The following LHFPL3 variants were observed in gnomAD, a reference collection of about 807,000 sequenced individuals.
LHFPL3 encodes LHFPL tetraspan subfamily member 3 protein.
LHFPL3 carries 5 observed loss-of-function variants against 19.3 expected under a neutral mutation model. The observed-to-expected ratio is 0.26, with a 90% CI of 0.14 to 0.54. The LOEUF is 0.54. Among genes scored for constraint, LHFPL3 ranks in the 20% least tolerant of loss-of-function variants. The pLI is 0.94. For synonymous variants in LHFPL3, 133 were observed against 126.2 expected, an observed-to-expected ratio of 1.05 and a Z score of -0.36; for missense variants, 249 against 307.4, an observed-to-expected ratio of 0.81 and a Z score of 1.42.
chr7:104,486,789 C>CTTT (rs1438672115), intron 1 of LHFPL3, among the ~76,000 whole-genome samples: 176 of 152,142 alleles, frequency 1.2e-3, no homozygotes, highest in African/African-American at 4.1e-3. Context: ...TCTTCCTTTG[C>CTTT]TTTCTTTAAG....
chr7:104,735,816 G>C (rs1428118029), intron 1 of LHFPL3, among the ~76,000 whole-genome samples: 1 of 152,170 alleles, frequency 6.6e-6, no homozygotes, highest in African/African-American at 2.4e-5. Context: ...CTATAGACTG[G>C]AGCTGTTCCT....
intron 2 of LHFPL3, chr7:104,796,865 GGGTCTCCTGTT>G (rs1790144601): frequency 6.6e-6 from 1 of 152,640 alleles, no homozygotes; most frequent in African/African-American, 2.4e-5. Flanking sequence ...TCCTGAGACT[GGGTCTCCTGTT>G]GGTCAGAAAG....
At chr7:104,737,677 G>A (rs1793854985) in intron 2 of LHFPL3, among the ~76,000 whole-genome samples, 1 of 152,028 alleles carries the variant, frequency 6.6e-6, no homozygotes, top group Non-Finnish European at 1.5e-5. Context: ...TAGAATTTTG[G>A]TGTCTCTGTT....
intron 1 of LHFPL3, among the ~76,000 whole-genome samples, chr7:104,578,960 C>T (rs2116014470): frequency 6.6e-6 from 1 of 152,282 alleles, no homozygotes; most frequent in Middle Eastern, 3.4e-3. Context: ...CTGGAACATC[C>T]TGTCATCTGG....
At chr7:104,628,287 A>G (rs1314244992) in intron 1 of LHFPL3, among the ~76,000 whole-genome samples, 3 of 152,182 alleles carry the variant, frequency 2.0e-5, no homozygotes, top group Non-Finnish European at 4.4e-5. Context: ...ATAGAATGGT[A>G]TTTAATTGCT....
At chr7:104,453,567 A>G (rs1475624619) in intron 1 of LHFPL3, among the ~76,000 whole-genome samples, 1 of 152,178 alleles carries the variant, frequency 6.6e-6, no homozygotes, top group Non-Finnish European at 1.5e-5. Context: ...TAAATCTTCT[A>G]AGAAAAGGGA....
chr7:104,738,905 T>A (rs1793880300), intron 2 of LHFPL3: 1 of 152,178 alleles, frequency 6.6e-6, no homozygotes, highest in African/African-American at 2.4e-5. Context: ...TTTTTCTGTG[T>A]TCATCATCTT....
intron 1 of LHFPL3, among the ~76,000 whole-genome samples, chr7:104,538,973 G>A (rs1272295739): frequency 6.6e-6 from 1 of 152,166 alleles, no homozygotes; most frequent in African/African-American, 2.4e-5. Context: ...TGGCCAGACA[G>A]TTGCAACATT....
chr7:104,489,144 G>A lies in LHFPL3; in HGVS notation c.445+159920G>A, dbSNP rs1197122878. Reference sequence around the variant, plus strand: ...GTCGCCCAGGCTGGAGTGCAGTGGCGGGATCTCGGCTCATTGCAAGCTCCA... The same window carrying A: ...GTCGCCCAGGCTGGAGTGCAGTGGCAGGATCTCGGCTCATTGCAAGCTCCA... On this transcript the variant is annotated intron_variant, in intron 1 of 2. Transcript: ENST00000424859. 1.4e-4 allele frequency among the ~76,000 whole-genome samples: 5 copies of A among 36,046 alleles called. 2 individuals are homozygous for A. The highest frequency in any genetic ancestry group is 3.9e-4 in the Non-Finnish European group (4 of 10,130). 23.6% of individuals were successfully genotyped at this position (36,046 alleles called of 152,430 possible).
At chr7:104,714,868 A>T (rs1275176136) in intron 1 of LHFPL3, among the ~76,000 whole-genome samples, 1 of 152,102 alleles carries the variant, frequency 6.6e-6, no homozygotes, top group Non-Finnish European at 1.5e-5. Flanking sequence ...GTGCAGAGGG[A>T]TGCGTTTGTG....
rs182793678 is a variant in LHFPL3 at position 104,456,660 on chromosome 7, G to A, written c.445+127436G>A. 2.0e-4 allele frequency among the ~76,000 whole-genome samples: 30 copies of A among 152,212 alleles called. No individual in the cohort carries two copies. In the East Asian group the frequency reaches 5.2e-3, roughly 26 times the overall value. ...ACGCACTTCATGGCTTTTCTTTGGC[G>A]TATTTGAATTGCAAGCATCACTACA... On this transcript the variant is annotated intron_variant, in intron 1 of 2. Coordinates refer to ENST00000424859, the MANE Select transcript of LHFPL3 (RefSeq NM_199000.3).
At chr7:104,565,010 T>C (rs112287320) in intron 1 of LHFPL3, among the ~76,000 whole-genome samples, 4 of 152,226 alleles carry the variant, frequency 2.6e-5, no homozygotes, top group Non-Finnish European at 5.9e-5. Context: ...AAGTCAGTGA[T>C]GGAATCTTGT....
Position 104,386,256 on chromosome 7 carries a change from C to A in LHFPL3, c.445+57032C>A, listed in dbSNP as rs76318508. Among the ~76,000 whole-genome samples the A allele has an allele frequency of 7.2e-4, 110 of 152,300 alleles. 1 individual carries two copies. The East Asian group carries it at 0.02, about 28-fold the overall frequency. ...CATTGTCATTATTTGACATATTTCA[C>A]AGTTCCCTAAAAAGCTCCATTCACA... On this transcript the variant is annotated intron_variant, in intron 1 of 2. Transcript: ENST00000424859.
intron 1 of LHFPL3, among the ~76,000 whole-genome samples, chr7:104,343,158 A>G (rs1431080951): frequency 6.6e-6 from 1 of 152,136 alleles, no homozygotes; most frequent in Non-Finnish European, 1.5e-5. Flanking sequence ...TGAGCAGTTC[A>G]TTTGAAATTT....
chr7:104,595,898 G>A lies in LHFPL3; in HGVS notation c.446-140777G>A, dbSNP rs995156531. On this transcript the variant is annotated intron_variant, in intron 1 of 2. Transcript: ENST00000424859. The stretch of plus-strand genomic sequence containing the variant: ...ATGGGAGAGAATCACCTTGTCTGCC[G>A]GTTGCTAAGACCTTGGGAACAACAG... Among the ~76,000 whole-genome samples, 17 of 152,240 alleles carry A rather than the reference G, an allele frequency of 1.1e-4. No individual in the cohort carries two copies. The South Asian group carries it at 1.4e-3, about 13-fold the overall frequency.
intron 2 of LHFPL3, among the ~76,000 whole-genome samples, chr7:104,862,493 G>T (rs1013309517): frequency 6.6e-6 from 1 of 152,152 alleles, no homozygotes; most frequent in Non-Finnish European, 1.5e-5. Flanking sequence ...GCTAGCCCAG[G>T]GATGCTCTGA....
chr7:104,829,030 CAA>C (rs11291805), intron 2 of LHFPL3, among the ~76,000 whole-genome samples: 5 of 150,506 alleles, frequency 3.3e-5, no homozygotes, highest in African/African-American at 4.9e-5. Flanking sequence ...GACTCCATCT[CAA>C]AAAAAAAAGA....
At chr7:104,396,546 T>C (rs566976185) in intron 1 of LHFPL3, among the ~76,000 whole-genome samples, 1 of 151,436 alleles carries the variant, frequency 6.6e-6, no homozygotes, top group Admixed American at 6.6e-5. Context: ...GTGCATCAGG[T>C]TCAATTTAGA....
intron 1 of LHFPL3, among the ~76,000 whole-genome samples, chr7:104,625,470 A>G (rs1050513200): frequency 1.3e-5 from 2 of 152,230 alleles, no homozygotes; most frequent in African/African-American, 2.4e-5. Context: ...AGTAATAAGC[A>G]TGGCACACCA....
Sources: gnomAD v4.1 joint callset for allele counts (sites outside exome capture counted in the v4.1 genomes callset) on GRCh38, gnomAD v4.1.1 for gene constraint, MANE v1.5 for transcripts, NCBI Gene and HGNC (gene_info 2026-07-23, HGNC 2026-07-21) for gene names.